F8: variants seen among roughly 807,000 people sequenced by gnomAD.
The protein encoded by F8 is coagulation factor VIII.
In F8, 12 loss-of-function variants were observed where a neutral mutation model predicts 140.6. The ratio of observed to expected loss-of-function variants is 0.09; its 90% CI spans 0.05 to 0.14. The LOEUF (loss-of-function observed/expected upper bound fraction) is 0.14. Ranked by LOEUF, F8 falls within the 10% of genes least tolerant of loss-of-function variation. The pLI is 1.00. For missense variants in F8, 1,354 were observed against 1,720.7 expected (o/e 0.79, Z 3.77); for synonymous variants, 585 against 614.6 (o/e 0.95, Z 0.71).
intron 25 of F8, among the ~76,000 whole-genome samples, chrX:154,856,001 G>A (rs1376353318): frequency 2.7e-5 from 3 of 112,067 alleles, no homozygotes; most frequent in African/African-American, 9.7e-5. Context: ...ACTAAGCAGA[G>A]ATTCTGGACT....
chrX:154,896,255 AT>A, intron 21 of F8, 23 bp from the exon 22 acceptor site: 1 of 1,189,127 alleles, frequency 8.4e-7, no homozygotes, highest in Non-Finnish European at 1.1e-6. Context: ...ATAACACTTT[AT>A]TTTAACCTAT....
At chrX:154,975,390 C>T (rs1002695421) in intron 6 of F8, among the ~76,000 whole-genome samples, 1 of 111,853 alleles carries the variant, frequency 8.9e-6, no homozygotes, top group Admixed American at 9.5e-5. Context: ...AGTTGTTCCT[C>T]CTGTTGTTGA....
chrX:154,926,739 A>T (rs1196805104), intron 14 of F8, among the ~76,000 whole-genome samples: 3 of 111,613 alleles, frequency 2.7e-5, no homozygotes, highest in African/African-American at 9.8e-5. Flanking sequence ...AAGGGGCAGG[A>T]ATTAAGAGTC....
At chrX:155,007,468 A>G in intron 1 of F8, among the ~76,000 whole-genome samples, 1 of 111,633 alleles carries the variant, frequency 9.0e-6, no homozygotes, top group Non-Finnish European at 1.9e-5. Context: ...TGAGCTCCCA[A>G]TATGCCATAT....
chrX:154,955,017 G>T (rs782132039), intron 11 of F8, among the ~76,000 whole-genome samples: 1 of 110,552 alleles, frequency 9.0e-6, no homozygotes, highest in Admixed American at 9.7e-5. Context: ...TTCTGGGGCC[G>T]AGCAATGAGT....
At chrX:154,981,911 T>C (rs1557283627) in intron 6 of F8, among the ~76,000 whole-genome samples, 3 of 111,968 alleles carry the variant, frequency 2.7e-5, no homozygotes, top group Non-Finnish European at 5.6e-5. Context: ...GATGGCCGGA[T>C]GCAGTGGCTC....
chrX:154,847,516 C>G (rs5987045), intron 25 of F8, among the ~76,000 whole-genome samples: 1,351 of 111,985 alleles, frequency 0.012, 23 homozygotes, highest in African/African-American at 0.042. Context: ...CTTCTCTTCT[C>G]GCTTCATTTC....
At chrX:154,939,461 C>T (rs966351395) in intron 13 of F8, among the ~76,000 whole-genome samples, 23 of 112,541 alleles carry the variant, frequency 2.0e-4, no homozygotes, top group Non-Finnish European at 3.9e-4. Flanking sequence ...GGCAGCAAGG[C>T]TGGGGGATGG....
intron 25 of F8, among the ~76,000 whole-genome samples, chrX:154,842,666 T>C (rs2072530443): frequency 8.9e-6 from 1 of 112,340 alleles, no homozygotes; most frequent in South Asian, 3.6e-4. Context: ...TTTAATTGTA[T>C]TGTGACCAGA....
intron 25 of F8, 43 bp downstream of exon 25, chrX:154,860,389 A>T: frequency 8.5e-7 from 1 of 1,178,044 alleles, no homozygotes; most frequent in Non-Finnish European, 1.2e-6. Context: ...GAGAGGTGGT[A>T]TTTTTTTTCT....
chrX:154,926,725 T>C (rs1478167149), intron 14 of F8, among the ~76,000 whole-genome samples: 1 of 111,591 alleles, frequency 9.0e-6, no homozygotes. Flanking sequence ...CAGCAGGTTT[T>C]GGGAAGGGGC....
chrX:154,962,089 T>C (rs1427361124), intron 9 of F8, among the ~76,000 whole-genome samples: 1 of 112,260 alleles, frequency 8.9e-6, no homozygotes, highest in African/African-American at 3.2e-5. Flanking sequence ...CCATCATAAA[T>C]ATTCACAGCT....
rs782007896 is a variant in F8 at position 154,929,209 on chromosome X, C to T, written c.4581G>A (p.Thr1527=). The T allele has an allele frequency of 2.9e-5, 35 of 1,209,885 alleles. 1 individual carries two copies. Among genetic ancestry groups the T allele is most frequent in the Middle Eastern group, 2.3e-4 (1 of 4,376 alleles). ...VHIYQKDLFP[T]ETSNGSPGHL... ...GGCCAGGAGACCCATTGCTAGTTTCCGTAGGGAATAGGTCCTTCTGATAAA... is the reference window on the plus strand; with the variant it reads ...GGCCAGGAGACCCATTGCTAGTTTCTGTAGGGAATAGGTCCTTCTGATAAA... The change falls in exon 14 of 26, where the codon ACG becomes ACA. Residue 1527 remains threonine (T), a synonymous_variant. Transcript: ENST00000360256.
chrX:154,938,047 T>C (rs1557279372), intron 13 of F8, among the ~76,000 whole-genome samples: 1 of 112,099 alleles, frequency 8.9e-6, no homozygotes, highest in Non-Finnish European at 1.9e-5. Flanking sequence ...CAATGGAATA[T>C]AAGAGATCAG....
chrX:154,940,892 A>G (rs2073258471), intron 13 of F8, among the ~76,000 whole-genome samples: 2 of 112,113 alleles, frequency 1.8e-5, no homozygotes, highest in Non-Finnish European at 3.8e-5. Context: ...TTTTCAACCC[A>G]GAATTTCATA....
Position 154,930,151 on chromosome X carries a change from A to G in F8, c.3639T>C (p.Ile1213=). The G allele has an allele frequency of 8.3e-7, 1 of 1,207,438 alleles. No individual in the cohort carries two copies. Among genetic ancestry groups the G allele is most frequent in the Non-Finnish European group, 1.1e-6 (1 of 893,462 alleles). Residue 1213 remains isoleucine (I), a synonymous_variant, in exon 14 of 26, where the codon ATT becomes ATC. Transcript: ENST00000360256. ...TTTCCTTCTTTTCTATTTCTTCCTG[A>G]ATTTTTTTTTCTTGATTGTGTGTAT... is the stretch of plus-strand genomic sequence containing the variant. ...ENNTHNQEKK[I]QEEIEKKETL...
intron 25 of F8, among the ~76,000 whole-genome samples, chrX:154,852,536 GA>G (rs2072623980): frequency 9.0e-6 from 1 of 111,320 alleles, no homozygotes; most frequent in Non-Finnish European, 1.9e-5. Context: ...CTTATTTCTG[GA>G]CTCTCAATTC....
chrX:154,966,425 C>T lies in F8; in HGVS notation c.1271+1G>A, dbSNP rs1603435260. 1.7e-6 allele frequency: 2 copies of T among 1,210,779 alleles called. No individual in the cohort carries two copies. Among genetic ancestry groups the T allele is most frequent in the African/African-American group, 1.7e-5 (1 of 57,604 alleles). On this transcript the variant is annotated splice_donor_variant, in intron 8 of 25. Coordinates refer to ENST00000360256, the MANE Select transcript of F8 (RefSeq NM_000132.4). LOFTEE classifies it high-confidence loss of function. ...AGTACCAATAGTCAAAAAGTGCTTA[C>T]CTGTCATCGGGGGCGAGGACTAAGG...
intron 1 of F8, among the ~76,000 whole-genome samples, chrX:155,008,354 GA>G (rs1202522116): frequency 6.2e-5 from 7 of 112,311 alleles, no homozygotes; most frequent in Non-Finnish European, 1.1e-4. Context: ...ACCCGCAGCA[GA>G]AAGGCCCCTG....
Sources: gnomAD v4.1 joint callset for allele counts (sites outside exome capture counted in the v4.1 genomes callset) on GRCh38, gnomAD v4.1.1 for gene constraint, MANE v1.5 for transcripts, NCBI Gene and HGNC (gene_info 2026-07-23, HGNC 2026-07-21) for gene names.